Variants in FAM200B observed in about 807,000 individuals in gnomAD.
FAM200B encodes protein FAM200B.
Under a neutral mutation model 33.1 loss-of-function variants are expected in FAM200B, and 32 were observed. The ratio of observed to expected loss-of-function variants is 0.97; its 90% CI spans 0.73 to 1.30. The LOEUF is 1.30. FAM200B is among the 50% of genes most tolerant of loss of function. The pLI, the probability that FAM200B is intolerant of heterozygous loss-of-function variation, is 0.00. For missense variants in FAM200B, 741 were observed against 754.0 expected (o/e 0.98, Z 0.20); for synonymous variants, 240 against 264.8 (o/e 0.91, Z 0.91).
chr4:15,651,420 G>T, the FAM200B span, among the ~76,000 whole-genome samples: 2 of 152,122 alleles, frequency 1.3e-5, no homozygotes, highest in East Asian at 3.8e-4. Flanking sequence ...ATAATATTTG[G>T]CTTAAGTAGT....
chr4:15,647,891 A>G, the FAM200B span, among the ~76,000 whole-genome samples: 11 of 152,114 alleles, frequency 7.2e-5, no homozygotes, highest in African/African-American at 2.4e-4. Context: ...TCTTGCTCTG[A>G]CACCCAGGCT....
chr4:15,682,725 T>C (rs564398807), intron 1 of FAM200B, among the ~76,000 whole-genome samples: 3 of 152,316 alleles, frequency 2.0e-5, no homozygotes, highest in East Asian at 3.9e-4. Context: ...TAAATGTTAG[T>C]TGAATGCATG....
At chr4:15,648,266 C>A in the FAM200B span, among the ~76,000 whole-genome samples, 1 of 152,002 alleles carries the variant, frequency 6.6e-6, no homozygotes, top group East Asian at 1.9e-4. Context: ...TGTATTCAGA[C>A]CAAAATAAAA....
chr4:15,688,792 CACA>C lies in FAM200B; in HGVS notation c.1821_1823del (p.Thr608del), dbSNP rs1324299191. On this transcript the variant is annotated inframe_deletion, in exon 2 of 2. Coordinates refer to ENST00000422728, the MANE Select transcript of FAM200B (RefSeq NM_001145191.2). ...AGAGTGTCCTGCTATTGCTACCATT[CACA>C]ACAACTAGTTTGTGTGAACTAGGGT... 33 of 1,551,230 alleles carry C rather than the reference CACA, an allele frequency of 2.1e-5. No individual in the cohort carries two copies. Among genetic ancestry groups the C allele is most frequent in the Non-Finnish European group, 2.7e-5 (31 of 1,146,778 alleles).
rs1356902198 is a variant in FAM200B at position 15,689,107 on chromosome 4, A to G, written c.*156A>G. On this transcript the variant is annotated 3_prime_UTR_variant, in exon 2 of 2. Transcript: ENST00000422728. ...ATTATTTTATGTTCATTGAACAAAAATTTAATGAATTTCTGTTAGAGGCCA... is the reference window on the plus strand; with the variant it reads ...ATTATTTTATGTTCATTGAACAAAAGTTTAATGAATTTCTGTTAGAGGCCA... The G allele has an allele frequency of 1.8e-6, 1 of 565,358 alleles. No homozygotes were observed. Among genetic ancestry groups the G allele is most frequent in the East Asian group, 3.5e-5 (1 of 28,794 alleles). The allele number at this position is 565,358 out of a possible 1,614,324, so 35.0% of individuals were successfully genotyped here.
intron 1 of FAM200B, among the ~76,000 whole-genome samples, chr4:15,682,701 G>A (rs1718430436): frequency 6.6e-6 from 1 of 152,146 alleles, no homozygotes; most frequent in Non-Finnish European, 1.5e-5. Flanking sequence ...CATACTTTAG[G>A]CACTGTAGGT....
the FAM200B span, among the ~76,000 whole-genome samples, chr4:15,664,550 CT>C: frequency 0.085 from 6,440 of 75,534 alleles, 40 homozygotes; most frequent in Non-Finnish European, 0.093. Context: ...GGCCCTCATC[CT>C]TTTTTTTTTT....
chr4:15,655,329 C>G, the FAM200B span: 1 of 1,348,944 alleles, frequency 7.4e-7, no homozygotes, highest in Non-Finnish European at 9.8e-7. Flanking sequence ...GCGGCCGCCG[C>G]CTCTCCATAG....
Position 15,687,347 on chromosome 4 carries a change from A to G in FAM200B, c.370A>G (p.Arg124Gly). 6.5e-7 allele frequency: 1 copy of G among 1,545,566 alleles called. No homozygotes were observed. The highest frequency in any genetic ancestry group is 8.7e-7 in the Non-Finnish European group (1 of 1,144,262). ...TGATAAGCCTCTTGAATATTTTCAA[A>G]GAAAGAAAAAAGACATAAAGTTATC... ...LIDKPLEYFQ[R>G]KKKDIKLSTQ... Residue 124 changes from arginine to glycine, a missense_variant, in exon 2 of 2, where the codon AGA becomes GGA. Transcript: ENST00000422728.
the FAM200B span, among the ~76,000 whole-genome samples, chr4:15,648,567 G>A: frequency 2.0e-5 from 3 of 152,146 alleles, no homozygotes; most frequent in Admixed American, 6.5e-5. Context: ...CCTGTCATTT[G>A]CAACAACATA....
chr4:15,675,003 C>T, the FAM200B span, among the ~76,000 whole-genome samples: 1 of 151,976 alleles, frequency 6.6e-6, no homozygotes, highest in African/African-American at 2.4e-5. Flanking sequence ...TCATTGTTTG[C>T]ACAAATTCCC....
the FAM200B span, among the ~76,000 whole-genome samples, chr4:15,646,777 T>C: frequency 5.4e-5 from 8 of 148,530 alleles, no homozygotes; most frequent in African/African-American, 1.5e-4. Context: ...ATTCCCACTA[T>C]GAGTGAGAAC....
chr4:15,675,899 T>C, the FAM200B span, among the ~76,000 whole-genome samples: 2 of 152,202 alleles, frequency 1.3e-5, no homozygotes, highest in African/African-American at 4.8e-5. Flanking sequence ...CCTGTTCTAG[T>C]TGAATACGCA....
At chr4:15,654,905 C>A in the FAM200B span, among the ~76,000 whole-genome samples, 2 of 152,074 alleles carry the variant, frequency 1.3e-5, no homozygotes, top group Admixed American at 1.3e-4. Context: ...GGCGGTGGGG[C>A]CGGCCCGAGG....
chr4:15,679,427 T>G (rs1039526850), upstream of FAM200B, among the ~76,000 whole-genome samples: 5 of 152,030 alleles, frequency 3.3e-5, no homozygotes, highest in Non-Finnish European at 5.9e-5. Flanking sequence ...TGAGTAATAT[T>G]TACCCAAGTC....
At chr4:15,660,023 A>AG in the FAM200B span, 4 of 152,044 alleles carry the variant, frequency 2.6e-5, no homozygotes, top group Admixed American at 1.3e-4. Context: ...GCCTACAGAG[A>AG]GGGGAAAAAA....
chr4:15,678,941 T>G (rs561202421), upstream of FAM200B, among the ~76,000 whole-genome samples: 1 of 152,256 alleles, frequency 6.6e-6, no homozygotes, highest in Non-Finnish European at 1.5e-5. Flanking sequence ...CTTAAAAAAC[T>G]TTTACTGGTC....
the FAM200B span, among the ~76,000 whole-genome samples, chr4:15,665,164 T>G: frequency 2.6e-5 from 4 of 152,184 alleles, no homozygotes; most frequent in African/African-American, 9.6e-5. Context: ...CATTATGAGC[T>G]TAGCTGCCAA....
chr4:15,675,903 A>G, the FAM200B span, among the ~76,000 whole-genome samples: 3 of 152,178 alleles, frequency 2.0e-5, no homozygotes, highest in Non-Finnish European at 4.4e-5. Context: ...TTCTAGTTGA[A>G]TACGCAGAAA....
Sources: gnomAD v4.1 joint callset for allele counts (sites outside exome capture counted in the v4.1 genomes callset) on GRCh38, gnomAD v4.1.1 for gene constraint, MANE v1.5 for transcripts, NCBI Gene and HGNC (gene_info 2026-07-23, HGNC 2026-07-21) for gene names.